Variants in PCDHGB7 observed in about 807,000 individuals in gnomAD.
PCDHGB7 encodes protocadherin gamma-B7.
PCDHGB7 carries 37 observed loss-of-function variants against 61.4 expected under a neutral mutation model. That is an observed-to-expected ratio of 0.60 (90% CI 0.46 to 0.79). PCDHGB7 has a LOEUF of 0.79. Ranked by LOEUF, PCDHGB7 falls within the 30% of genes least tolerant of loss-of-function variation. The pLI is 0.00. For synonymous variants in PCDHGB7, 464 were observed against 503.5 expected, an observed-to-expected ratio of 0.92 and a Z score of 1.05; for missense variants, 1,166 against 1,202.5, an observed-to-expected ratio of 0.97 and a Z score of 0.45.
At chr5:141,459,775 T>C (rs377188083) in intron 1 of PCDHGB7, among the ~76,000 whole-genome samples, 8 of 152,362 alleles carry the variant, frequency 5.3e-5, no homozygotes, top group African/African-American at 1.4e-4. Flanking sequence ...TACTATCTCA[T>C]TGAAGTTTCA....
rs924491576 is a variant in PCDHGB7, at chr5:141,491,579, C to T, written c.2416-3228C>T. On this transcript the variant is annotated intron_variant, in intron 1 of 3. Coordinates refer to ENST00000398594, the MANE Select transcript of PCDHGB7 (RefSeq NM_018927.4). This position sits in a 1 kb window ranked among gnomAD's most constrained non-coding sequence, Gnocchi z 6.9. ...CACTGCTACAGGACGTGCTTTTCAC[C>T]GGCCTCGGACGGCAGTGACTTCACT... is the stretch of plus-strand genomic sequence containing the variant. 18 of 1,613,810 alleles carry T rather than the reference C, an allele frequency of 1.1e-5. No homozygotes were observed. Among genetic ancestry groups the T allele is most frequent in the Non-Finnish European group, 1.4e-5 (17 of 1,180,044 alleles).
intron 1 of PCDHGB7, among the ~76,000 whole-genome samples, chr5:141,461,978 C>T (rs888687367): frequency 2.6e-5 from 4 of 152,216 alleles, no homozygotes; most frequent in African/African-American, 9.6e-5. Flanking sequence ...CATATGCCAC[C>T]ACGCCAGGCT....
Position 141,486,107 on chromosome 5 carries a change from A to T in PCDHGB7, c.2416-8700A>T, listed in dbSNP as rs758269750. ...TCTTTTGGGGCCCCTAGACTTTGAG[A>T]GTGAGAATTACTATGAATTTGATGT... is the stretch of plus-strand genomic sequence containing the variant. On this transcript the variant is annotated intron_variant, in intron 1 of 3. Transcript: ENST00000398594. The surrounding 1 kb of genome is among the most constrained non-coding windows in gnomAD (Gnocchi z 5.0). The T allele has an allele frequency of 6.2e-7, 1 of 1,614,102 alleles. No individual in the cohort carries two copies. Among genetic ancestry groups the T allele is most frequent in the South Asian group, 1.1e-5 (1 of 91,080 alleles).
rs1382764259 is a variant in PCDHGB7 at position 141,478,383 on chromosome 5, T to G, written c.2416-16424T>G. 2.5e-6 allele frequency: 4 copies of G among 1,613,630 alleles called. No individual in the cohort carries two copies. In the Admixed American group the frequency reaches 6.7e-5, roughly 27 times the overall value. Reference sequence around the variant, plus strand: ...CGGGGAGGCCTGATGTCGCCGCACCTTTACCATCAGGTGTATCTCACCACG... The same window carrying G: ...CGGGGAGGCCTGATGTCGCCGCACCGTTACCATCAGGTGTATCTCACCACG... On this transcript the variant is annotated intron_variant, in intron 1 of 3. Coordinates refer to ENST00000398594, the MANE Select transcript of PCDHGB7 (RefSeq NM_018927.4).
At chr5:141,458,386 G>A (rs1037969327) in intron 1 of PCDHGB7, among the ~76,000 whole-genome samples, 3 of 152,188 alleles carry the variant, frequency 2.0e-5, no homozygotes, top group African/African-American at 4.8e-5. Context: ...GAAGGAAGAC[G>A]CTCCCCCTTG....
Position 141,505,229 on chromosome 5 carries a change from G to T in PCDHGB7, c.2475-164G>T, listed in dbSNP as rs116169437. 9.5e-4 allele frequency: 809 copies of T among 847,460 alleles called. 6 individuals carry two copies. In the African/African-American group the frequency reaches 0.013, roughly 13 times the overall value. 52.5% of individuals were successfully genotyped at this position (847,460 alleles called of 1,614,324 possible). ...TGAGGGACTGACTTGTGGGATTCTG[G>T]CTTCTGAAGGATTGTAGAAGTGCCT... On this transcript the variant is annotated intron_variant, in intron 2 of 3. Coordinates refer to ENST00000398594, the MANE Select transcript of PCDHGB7 (RefSeq NM_018927.4).
chr5:141,457,023 A>G (rs1339517071), intron 1 of PCDHGB7, among the ~76,000 whole-genome samples: 1 of 152,228 alleles, frequency 6.6e-6, no homozygotes, highest in Non-Finnish European at 1.5e-5. Flanking sequence ...AAAAAGTCCT[A>G]GTAGACTCAG....
In PCDHGB7 at chr5:141,489,993, C is replaced by T. The variant is rs1413894892; in HGVS notation, c.2416-4814C>T. 18 of 1,614,186 alleles carry T rather than the reference C, an allele frequency of 1.1e-5. No individual in the cohort carries two copies. The highest frequency in any genetic ancestry group is 1.5e-5 in the Non-Finnish European group (18 of 1,179,990). On this transcript the variant is annotated intron_variant, in intron 1 of 3. Transcript: ENST00000398594. The surrounding 1 kb of genome is among the most constrained non-coding windows in gnomAD (Gnocchi z 4.5). ...AATCCTCAGTTCTACGTGTGGGAAT[C>T]CCAGAGAATGCACCCATTGGTACTC...
intron 1 of PCDHGB7, chr5:141,429,167 TATAC>T (rs1240034860): frequency 7.3e-6 from 1 of 136,106 alleles, no homozygotes; most frequent in African/African-American, 2.9e-5. Flanking sequence ...AGACATTGTT[TATAC>T]ACACACACAC....
At chr5:141,500,215 T>G (rs888740312) in intron 2 of PCDHGB7, among the ~76,000 whole-genome samples, 8 of 150,660 alleles carry the variant, frequency 5.3e-5, no homozygotes, top group African/African-American at 1.9e-4. Context: ...TTTATTTATT[T>G]ATTTATTTAT....
intron 1 of PCDHGB7, among the ~76,000 whole-genome samples, chr5:141,458,921 C>CG (rs2098956905): frequency 6.6e-6 from 1 of 151,960 alleles, no homozygotes; most frequent in African/African-American, 2.4e-5. Flanking sequence ...TTTGTGGAGA[C>CG]GGGGTCTCAC....
chr5:141,452,148 T>C (rs1294195346), intron 1 of PCDHGB7, among the ~76,000 whole-genome samples: 1 of 152,228 alleles, frequency 6.6e-6, no homozygotes, highest in Non-Finnish European at 1.5e-5. Flanking sequence ...TTTTTTCCAA[T>C]GAGTTATATT....
At position 141,431,555 on chromosome 5, in the gene PCDHGB7, G is replaced by A. The variant is rs2097394199; in HGVS notation, c.2415+11281G>A. On this transcript the variant is annotated intron_variant, in intron 1 of 3. Transcript: ENST00000398594. This position sits in a 1 kb window ranked among gnomAD's most constrained non-coding sequence, Gnocchi z 4.8. The stretch of plus-strand genomic sequence containing the variant: ...GGGCACGCAGCTGCTTGTAGTCAAC[G>A]CTACCGACCCTGACGAAGGAGTCAA... 1 of 1,614,014 alleles carries A rather than the reference G, an allele frequency of 6.2e-7. No individual in the cohort carries two copies. The highest frequency in any genetic ancestry group is 8.5e-7 in the Non-Finnish European group (1 of 1,180,032).
intron 1 of PCDHGB7, among the ~76,000 whole-genome samples, chr5:141,455,580 T>C (rs572453788): frequency 6.6e-6 from 1 of 152,142 alleles, no homozygotes; most frequent in East Asian, 1.9e-4. Flanking sequence ...ACCCCAGCCT[T>C]TTAATATGCA....
chr5:141,421,254 C>T, intron 1 of PCDHGB7: 1 of 1,607,460 alleles, frequency 6.2e-7, no homozygotes, highest in East Asian at 2.2e-5. Flanking sequence ...AGCGCGGGGA[C>T]CGCAGTCGGC....
intron 1 of PCDHGB7, among the ~76,000 whole-genome samples, chr5:141,488,348 C>G (rs1231687770): frequency 3.2e-4 from 49 of 152,106 alleles, no homozygotes; most frequent in Admixed American, 3.2e-3. Context: ...TAGAAACAGC[C>G]ACCCTGTGCA....
intron 1 of PCDHGB7, among the ~76,000 whole-genome samples, chr5:141,448,948 A>C (rs918513864): frequency 6.6e-6 from 1 of 152,170 alleles, no homozygotes; most frequent in African/African-American, 2.4e-5. Flanking sequence ...GCAACTCAAA[A>C]AAACAAACAA....
At chr5:141,445,895 A>C (rs930350527) in intron 1 of PCDHGB7, among the ~76,000 whole-genome samples, 1 of 152,212 alleles carries the variant, frequency 6.6e-6, no homozygotes, top group Admixed American at 6.5e-5. Context: ...GGAGCTATTA[A>C]AATATTTTAA....
chr5:141,491,047 G>A lies in PCDHGB7; in HGVS notation c.2416-3760G>A, dbSNP rs751761240. On this transcript the variant is annotated intron_variant, in intron 1 of 3. Coordinates refer to ENST00000398594, the MANE Select transcript of PCDHGB7 (RefSeq NM_018927.4). The surrounding 1 kb of genome is among the most constrained non-coding windows in gnomAD (Gnocchi z 6.9). Reference sequence around the variant, plus strand: ...CGTGGATGCTGATGCAGGCCACAATGCGTGGCTCTCCTACTCACTGTTGCC... The same window carrying A: ...CGTGGATGCTGATGCAGGCCACAATACGTGGCTCTCCTACTCACTGTTGCC... 4 of 1,614,054 alleles carry A rather than the reference G, an allele frequency of 2.5e-6. No homozygotes were observed. Among genetic ancestry groups the A allele is most frequent in the Non-Finnish European group, 3.4e-6 (4 of 1,180,034 alleles).
Sources: gnomAD v4.1 joint callset for allele counts (sites outside exome capture counted in the v4.1 genomes callset) on GRCh38, gnomAD v4.1.1 for gene constraint, Gnocchi (gnomAD v3.1) non-coding constraint, MANE v1.5 for transcripts, NCBI Gene and HGNC (gene_info 2026-07-23, HGNC 2026-07-21) for gene names.